STT3B: variants seen among roughly 807,000 people sequenced by gnomAD.
STT3B encodes STT3 oligosaccharyltransferase complex catalytic subunit B.
In STT3B, 29 loss-of-function variants were observed where a neutral mutation model predicts 96.8. The observed-to-expected ratio is 0.30, with a 90% confidence interval of 0.22 to 0.41. STT3B has a LOEUF of 0.41. STT3B is among the 10% of genes least tolerant of loss of function. STT3B has a pLI of 1.00. For synonymous variants in STT3B, 367 were observed against 360.0 expected (o/e 1.02, Z -0.22); for missense variants, 640 against 1,022.3 (o/e 0.63, Z 5.10).
At position 31,625,052 on chromosome 3, in the gene STT3B, T is replaced by C. The variant is rs374431930; in HGVS notation, c.1866T>C (p.Asp622=). The C allele has an allele frequency of 2.5e-6, 4 of 1,613,590 alleles. No individual in the cohort carries two copies. In the African/African-American group the frequency reaches 5.3e-5, roughly 22 times the overall value. Residue 622 remains aspartate (D), a synonymous_variant, in exon 12 of 16, where the codon GAT becomes GAC. Coordinates refer to ENST00000295770, the MANE Select transcript of STT3B (RefSeq NM_178862.3). ...TGGCTAATAGAACTACGTTGGTGGATAATAACACCTGGAATAACAGCCACA... is the reference window on the plus strand; with the variant it reads ...TGGCTAATAGAACTACGTTGGTGGACAATAACACCTGGAATAACAGCCACA... ...AGMANRTTLV[D]NNTWNNSHIA...
Position 31,637,096 on chromosome 3 carries a change from TCTTA to T in STT3B, c.*1036_*1039del, listed in dbSNP as rs1372720501. ...ACACTCTTTAGTGCTATATGCATTT[TCTTA>T]CTTTTGTTAAAAATGTGACAGTTGT... is the stretch of plus-strand genomic sequence containing the variant. On this transcript the variant is annotated 3_prime_UTR_variant, in exon 16 of 16. Coordinates refer to ENST00000295770, the MANE Select transcript of STT3B (RefSeq NM_178862.3). 6.6e-6 allele frequency: 1 copy of T among 152,218 alleles called. No homozygotes were observed. Among genetic ancestry groups the T allele is most frequent in the African/African-American group, 2.4e-5 (1 of 41,468 alleles). 9.4% of individuals were successfully genotyped at this position (152,218 alleles called of 1,614,324 possible).
chr3:31,579,630 G>A (rs554905919), intron 2 of STT3B, among the ~76,000 whole-genome samples, 179 bp from the exon 3 acceptor site: 2 of 150,902 alleles, frequency 1.3e-5, no homozygotes, highest in South Asian at 4.2e-4. Context: ...CTAGTTCTTT[G>A]TATGCAACAC....
rs1252526696 is a variant in STT3B, at chr3:31,599,243, C to CT, written c.778-1109dup. Among the ~76,000 whole-genome samples the CT allele has an allele frequency of 2.0e-5, 3 of 151,964 alleles. No individual in the cohort carries two copies. In the East Asian group the frequency reaches 5.8e-4, roughly 29 times the overall value. ...AAAATTAATGACAATTTGAGCTAAT[C>CT]TTTTTTTTCTTTTTAAACAAATGTC... is the stretch of plus-strand genomic sequence containing the variant. On this transcript the variant is annotated intron_variant, in intron 4 of 15. Coordinates refer to ENST00000295770, the MANE Select transcript of STT3B (RefSeq NM_178862.3).
intron 3 of STT3B, among the ~76,000 whole-genome samples, chr3:31,594,047 T>C (rs1343729111): frequency 6.6e-6 from 1 of 152,174 alleles, no homozygotes; most frequent in Non-Finnish European, 1.5e-5. Context: ...ATTTTCTATT[T>C]CAAAGCCTCT....
At chr3:31,562,579 A>G (rs917197118) in intron 1 of STT3B, among the ~76,000 whole-genome samples, 3 of 152,142 alleles carry the variant, frequency 2.0e-5, no homozygotes, top group Admixed American at 2.0e-4. Context: ...CAGCAACTGC[A>G]TTGCAACCCT....
chr3:31,602,410 A>G (rs1311244570), intron 5 of STT3B, among the ~76,000 whole-genome samples: 2 of 152,076 alleles, frequency 1.3e-5, no homozygotes, highest in Non-Finnish European at 2.9e-5. Flanking sequence ...GGATCTTGGA[A>G]ATTTAATGGT....
chr3:31,600,092 T>G (rs147776514), intron 4 of STT3B, among the ~76,000 whole-genome samples: 1 of 152,164 alleles, frequency 6.6e-6, no homozygotes, highest in Non-Finnish European at 1.5e-5. Flanking sequence ...ATTATAATAC[T>G]CTCAGCTTTT....
At chr3:31,620,972 T>G (rs1699415193) in intron 9 of STT3B, among the ~76,000 whole-genome samples, 1 of 152,220 alleles carries the variant, frequency 6.6e-6, no homozygotes, top group South Asian at 2.1e-4. Flanking sequence ...AACTTAAACC[T>G]CATGACTCAG....
chr3:31,634,262 C>T (rs1339624474), intron 15 of STT3B, among the ~76,000 whole-genome samples: 1 of 152,134 alleles, frequency 6.6e-6, no homozygotes, highest in Non-Finnish European at 1.5e-5. Flanking sequence ...GCAGCAAATG[C>T]TGCTATTCTC....
At chr3:31,533,762 G>C (rs1311201078) in intron 1 of STT3B, 1 of 153,072 alleles carries the variant, frequency 6.5e-6, no homozygotes, top group East Asian at 1.9e-4. Flanking sequence ...ATATTTGCGG[G>C]CGCGTTTTTG....
intron 5 of STT3B, among the ~76,000 whole-genome samples, chr3:31,611,647 C>T (rs1699182946): frequency 6.6e-6 from 1 of 152,126 alleles, no homozygotes; most frequent in Non-Finnish European, 1.5e-5. Context: ...CAGGCACGCG[C>T]CACCACACCC....
intron 11 of STT3B, among the ~76,000 whole-genome samples, chr3:31,624,650 A>T (rs1227594202): frequency 2.0e-5 from 3 of 149,756 alleles, no homozygotes; most frequent in African/African-American, 7.3e-5. Context: ...CCTACCCCAG[A>T]ACTACTGAAT....
chr3:31,599,783 G>A (rs974914205), intron 4 of STT3B, among the ~76,000 whole-genome samples: 1 of 152,130 alleles, frequency 6.6e-6, no homozygotes, highest in Non-Finnish European at 1.5e-5. Flanking sequence ...GCTAAATAGT[G>A]TATATTGTAT....
intron 5 of STT3B, among the ~76,000 whole-genome samples, chr3:31,606,206 C>T (rs190801549): frequency 3.9e-4 from 60 of 152,254 alleles, no homozygotes; most frequent in Non-Finnish European, 6.5e-4. Context: ...TGCAGCCTGA[C>T]AATGCAATAG....
chr3:31,569,077 A>G (rs1211668076), intron 1 of STT3B, among the ~76,000 whole-genome samples: 1 of 152,074 alleles, frequency 6.6e-6, no homozygotes. Context: ...TGGTGCGATT[A>G]TAGCTCACTG....
rs543681589 is a variant in STT3B, at chr3:31,595,954, C to G, written c.712-844C>G. ...CAGGCTCTATAAGGACCTTTTGGTACTCAGTGTTTATACTCACCGTAGAGT... is the reference window on the plus strand; with the variant it reads ...CAGGCTCTATAAGGACCTTTTGGTAGTCAGTGTTTATACTCACCGTAGAGT... On this transcript the variant is annotated intron_variant, in intron 3 of 15. Coordinates refer to ENST00000295770, the MANE Select transcript of STT3B (RefSeq NM_178862.3). 2.0e-5 allele frequency among the ~76,000 whole-genome samples: 3 copies of G among 152,298 alleles called. No homozygotes were observed. The East Asian group carries it at 5.8e-4, about 29-fold the overall frequency.
chr3:31,618,513 C>G (rs1699360326), intron 8 of STT3B, among the ~76,000 whole-genome samples: 1 of 151,064 alleles, frequency 6.6e-6, no homozygotes, highest in Non-Finnish European at 1.5e-5. Context: ...TTGAATTAGA[C>G]TAGTTCAATA....
intron 1 of STT3B, among the ~76,000 whole-genome samples, chr3:31,537,962 C>T (rs550376416): frequency 5.7e-4 from 86 of 152,100 alleles, no homozygotes; most frequent in African/African-American, 1.8e-3. Context: ...ATGTTTTTCC[C>T]CTCAATTTGT....
rs763113809 is a variant in STT3B at position 31,533,161 on chromosome 3, C to G, written c.163C>G (p.Pro55Ala). ...CGGCGCGGCGCCGCCGAAGCCGGCC[C>G]CGGCGGGGCTGTCCGGGGGGCTGTC... The part of the protein sequence containing the change: ...AGGAAPPKPA[P>A]AGLSGGLSQP... The change falls in exon 1 of 16, where the codon CCG becomes GCG. Residue 55 changes from proline to alanine, a missense_variant. Physicochemically the swap from Pro to Ala is conservative, Grantham distance 27 (BLOSUM62 -1). Coordinates refer to ENST00000295770, the MANE Select transcript of STT3B (RefSeq NM_178862.3). The G allele has an allele frequency of 2.6e-5, 34 of 1,303,536 alleles. No homozygotes were observed. The African/African-American group carries it at 5.0e-4, about 19-fold the overall frequency. 80.7% of individuals were successfully genotyped at this position (1,303,536 alleles called of 1,614,324 possible). A position where few individuals can be genotyped will look rare whatever the true frequency, so the allele number is the denominator to read the frequency against.
Sources: gnomAD v4.1 joint callset for allele counts (sites outside exome capture counted in the v4.1 genomes callset) on GRCh38, gnomAD v4.1.1 for gene constraint, MANE v1.5 for transcripts, NCBI Gene and HGNC (gene_info 2026-07-23, HGNC 2026-07-21) for gene names.